The following BCAS3 variants were observed in gnomAD, a reference collection of about 807,000 sequenced individuals.
BCAS3 encodes the protein BCAS4/BCAS3 fusion.
A neutral mutation model predicts 116.1 loss-of-function variants in BCAS3; 53 were observed. The observed-to-expected ratio is 0.46, with a 90% CI of 0.37 to 0.57. BCAS3 has a LOEUF of 0.57. Among genes scored for constraint, BCAS3 ranks in the 20% least tolerant of loss-of-function variants. BCAS3 has a pLI of 0.00. For missense variants in BCAS3, 917 were observed against 1,165.4 expected (o/e 0.79, Z 3.10); for synonymous variants, 391 against 408.2 (o/e 0.96, Z 0.51).
rs1029294197 is a variant in BCAS3 at position 61,243,184 on chromosome 17, A to G, written c.2426-125143A>G. On this transcript the variant is annotated intron_variant, in intron 22 of 23. Transcript: ENST00000407086. The surrounding 1 kb of genome is among the most constrained non-coding windows in gnomAD (Gnocchi z 5.6). ...CACGGCCTCCCAAAGTGCTGGGATT[A>G]CAGGCATGAGCCACTGCGCCCTACT... Among the ~76,000 whole-genome samples, 38 of 152,228 alleles carry G rather than the reference A, an allele frequency of 2.5e-4. No homozygotes were observed. The highest frequency in any genetic ancestry group is 8.9e-4 in the African/African-American group (37 of 41,452).
At chr17:60,705,526 AAAAAG>A (rs1478427028) in intron 4 of BCAS3, among the ~76,000 whole-genome samples, 56 of 151,536 alleles carry the variant, frequency 3.7e-4, no homozygotes, top group Non-Finnish European at 7.4e-4. Flanking sequence ...AAAAAAAAAA[AAAAAG>A]AAAAGAAAAT....
rs1215464905 is a variant in BCAS3, at chr17:61,008,142, A to T, written c.1487-7609A>T. 6.6e-6 allele frequency among the ~76,000 whole-genome samples: 1 copy of T among 151,960 alleles called. No individual in the cohort carries two copies. The highest frequency in any genetic ancestry group is 2.4e-5 in the African/African-American group (1 of 41,374). The stretch of plus-strand genomic sequence containing the variant: ...AAGCATTGCTTCCGCCCAGTTTGGT[A>T]TGTGGGTCAGAAGGCACTGTTTCTC... On this transcript the variant is annotated intron_variant, in intron 15 of 23. Coordinates refer to ENST00000407086, the MANE Select transcript of BCAS3 (RefSeq NM_017679.5). The surrounding 1 kb of genome is among the most constrained non-coding windows in gnomAD (Gnocchi z 4.6).
Position 61,118,197 on chromosome 17 carries a change from G to A in BCAS3, c.2425+33633G>A, listed in dbSNP as rs189772165. Among the ~76,000 whole-genome samples, 549 of 152,256 alleles carry A rather than the reference G, an allele frequency of 3.6e-3. 1 individual carries two copies. The highest frequency in any genetic ancestry group is 5.8e-3 in the Admixed American group (89 of 15,300). The stretch of plus-strand genomic sequence containing the variant: ...AAGTAGGATGTTCTACCTCGTTTCT[G>A]CCAGGTGGAGGTAGAAGCCCAGGTT... On this transcript the variant is annotated intron_variant, in intron 22 of 23. Coordinates refer to ENST00000407086, the MANE Select transcript of BCAS3 (RefSeq NM_017679.5). The surrounding 1 kb of genome is among the most constrained non-coding windows in gnomAD (Gnocchi z 5.0).
chr17:60,961,173 A>T lies in BCAS3; in HGVS notation c.1221+13821A>T, dbSNP rs1281534160. On this transcript the variant is annotated intron_variant, in intron 14 of 23. Coordinates refer to ENST00000407086, the MANE Select transcript of BCAS3 (RefSeq NM_017679.5). The surrounding 1 kb of genome is among the most constrained non-coding windows in gnomAD (Gnocchi z 4.8). ...CACTCTGAATGGCAGTAAGGGAGAC[A>T]TTTGAGGTCAGGGAGAAATTTTGAA... is the stretch of plus-strand genomic sequence containing the variant. 6.6e-6 allele frequency among the ~76,000 whole-genome samples: 1 copy of T among 152,212 alleles called. No individual in the cohort carries two copies. The highest frequency in any genetic ancestry group is 1.5e-5 in the Non-Finnish European group (1 of 68,042).
chr17:61,167,861 G>A (rs190279414), intron 22 of BCAS3, among the ~76,000 whole-genome samples: 13 of 152,268 alleles, frequency 8.5e-5, no homozygotes, highest in Admixed American at 6.5e-5. Flanking sequence ...TTGATGATTC[G>A]TAGCTATTTT....
At position 60,721,995 on chromosome 17, in the gene BCAS3, T is replaced by C. The variant is rs73990956; in HGVS notation, c.321+12670T>C. ...TGCTCTTATGTTCTGGCTTGTCTCT[T>C]AACATTATGACTGTAAGATTTGTTT... On this transcript the variant is annotated intron_variant, in intron 5 of 23. Coordinates refer to ENST00000407086, the MANE Select transcript of BCAS3 (RefSeq NM_017679.5). Among the ~76,000 whole-genome samples, 108 of 152,310 alleles carry C rather than the reference T, an allele frequency of 7.1e-4. 1 individual carries two copies. Among genetic ancestry groups the C allele is most frequent in the African/African-American group, 2.5e-3 (104 of 41,576 alleles).
rs566559693 is a variant in BCAS3 at position 61,105,610 on chromosome 17, A to G, written c.2425+21046A>G. On this transcript the variant is annotated intron_variant, in intron 22 of 23. Coordinates refer to ENST00000407086, the MANE Select transcript of BCAS3 (RefSeq NM_017679.5). The surrounding 1 kb of genome is among the most constrained non-coding windows in gnomAD (Gnocchi z 4.3). Reference sequence around the variant, plus strand: ...CAGCTAATTTTGTATTTTTTTTAGTATAGATGGGGTTTCTCCATGTTGGTC... The same window carrying G: ...CAGCTAATTTTGTATTTTTTTTAGTGTAGATGGGGTTTCTCCATGTTGGTC... Among the ~76,000 whole-genome samples, 8 of 151,998 alleles carry G rather than the reference A, an allele frequency of 5.3e-5. No individual in the cohort carries two copies. The South Asian group carries it at 1.5e-3, about 28-fold the overall frequency.
chr17:61,097,827 G>A lies in BCAS3; in HGVS notation c.2425+13263G>A, dbSNP rs1283937877. ...CTTAAAATTACTTAAAGTGCATTATGGTGACACCTCAGATAAGTCTAAACC... is the reference window on the plus strand; with the variant it reads ...CTTAAAATTACTTAAAGTGCATTATAGTGACACCTCAGATAAGTCTAAACC... On this transcript the variant is annotated intron_variant, in intron 22 of 23. Transcript: ENST00000407086. This position sits in a 1 kb window ranked among gnomAD's most constrained non-coding sequence, Gnocchi z 4.0. 6.6e-6 allele frequency among the ~76,000 whole-genome samples: 1 copy of A among 152,148 alleles called. No homozygotes were observed. Among genetic ancestry groups the A allele is most frequent in the Non-Finnish European group, 1.5e-5 (1 of 68,028 alleles).
At chr17:61,000,270 T>C (rs1381738019) in intron 15 of BCAS3, among the ~76,000 whole-genome samples, 1 of 152,172 alleles carries the variant, frequency 6.6e-6, no homozygotes, top group Admixed American at 6.5e-5. Flanking sequence ...GCTATGAGTT[T>C]GTTGTAGATG....
chr17:61,313,885 C>T lies in BCAS3; in HGVS notation c.2426-54442C>T, dbSNP rs998323935. Among the ~76,000 whole-genome samples, 13 of 152,214 alleles carry T rather than the reference C, an allele frequency of 8.5e-5. No homozygotes were observed. Among genetic ancestry groups the T allele is most frequent in the Admixed American group, 8.5e-4 (13 of 15,280 alleles). On this transcript the variant is annotated intron_variant, in intron 22 of 23. Transcript: ENST00000407086. This position sits in a 1 kb window ranked among gnomAD's most constrained non-coding sequence, Gnocchi z 4.3. ...GTGACCACACGTGGGCCTGCTGTCT[C>T]CTCCACCAGCCCCACTCGCCCGGCC...
chr17:61,381,386 G>A lies in BCAS3; in HGVS notation c.2594-10591G>A, dbSNP rs1051456382. The stretch of plus-strand genomic sequence containing the variant: ...TCAGCCAGGCCGTTTCCATCTGGAC[G>A]GGCGGCGGCACCACCACAATTAGCT... On this transcript the variant is annotated intron_variant, in intron 23 of 23. Transcript: ENST00000407086. The surrounding 1 kb of genome is among the most constrained non-coding windows in gnomAD (Gnocchi z 6.0). Among the ~76,000 whole-genome samples the A allele has an allele frequency of 6.6e-6, 1 of 152,158 alleles. No individual in the cohort carries two copies. The highest frequency in any genetic ancestry group is 2.4e-5 in the African/African-American group (1 of 41,430).
At position 61,217,339 on chromosome 17, in the gene BCAS3, A is replaced by AT. The variant is rs1833169935; in HGVS notation, c.2425+132781dup. 1.3e-5 allele frequency among the ~76,000 whole-genome samples: 2 copies of AT among 152,294 alleles called. No individual in the cohort carries two copies. The highest frequency in any genetic ancestry group is 1.3e-4 in the Admixed American group (2 of 15,300). On this transcript the variant is annotated intron_variant, in intron 22 of 23. Transcript: ENST00000407086. The surrounding 1 kb of genome is among the most constrained non-coding windows in gnomAD (Gnocchi z 5.2). ...TAGCACTAGTTTTAAAGTATCCTCC[A>AT]TTTTTTGTGATAGTGAAAATCTAGG...
At chr17:61,209,287 T>C (rs2081324081) in intron 22 of BCAS3, among the ~76,000 whole-genome samples, 1 of 152,180 alleles carries the variant, frequency 6.6e-6, no homozygotes, top group Non-Finnish European at 1.5e-5. Context: ...TAAAAAGATT[T>C]GTAGGCAAAC....
intron 18 of BCAS3, among the ~76,000 whole-genome samples, chr17:61,039,498 C>T (rs1268975569): frequency 6.6e-6 from 1 of 152,002 alleles, no homozygotes; most frequent in Non-Finnish European, 1.5e-5. Context: ...TCTCGGCTCA[C>T]TGCAAGCTCC....
intron 22 of BCAS3, among the ~76,000 whole-genome samples, chr17:61,218,135 T>C (rs544335682): frequency 3.3e-5 from 5 of 152,174 alleles, no homozygotes; most frequent in Non-Finnish European, 7.3e-5. Context: ...CATGAGAGAT[T>C]AAATTGGGCA....
intron 4 of BCAS3, among the ~76,000 whole-genome samples, chr17:60,692,886 T>C (rs1232559748): frequency 6.7e-6 from 1 of 149,124 alleles, no homozygotes; most frequent in Non-Finnish European, 1.5e-5. Flanking sequence ...CAGAGAGATA[T>C]CCTTTCTCAA....
intron 10 of BCAS3, among the ~76,000 whole-genome samples, chr17:60,898,082 G>A (rs2057631093): frequency 6.6e-6 from 1 of 151,734 alleles, no homozygotes; most frequent in Non-Finnish European, 1.5e-5. Context: ...TGTCTCTTTG[G>A]TAAATTTCTC....
intron 22 of BCAS3, among the ~76,000 whole-genome samples, chr17:61,292,831 T>C (rs2052561050): frequency 6.6e-6 from 1 of 152,144 alleles, no homozygotes; most frequent in Non-Finnish European, 1.5e-5. Flanking sequence ...AGTAACGAAG[T>C]ATGTGAATTT....
chr17:60,888,597 T>C (rs1161575396), intron 9 of BCAS3, among the ~76,000 whole-genome samples: 1 of 152,200 alleles, frequency 6.6e-6, no homozygotes, highest in Non-Finnish European at 1.5e-5. Flanking sequence ...GTTGTCTTTT[T>C]ATAATTTTTA....
Sources: gnomAD v4.1 joint callset for allele counts (sites outside exome capture counted in the v4.1 genomes callset) on GRCh38, gnomAD v4.1.1 for gene constraint, Gnocchi (gnomAD v3.1) non-coding constraint, MANE v1.5 for transcripts, NCBI Gene and HGNC (gene_info 2026-07-23, HGNC 2026-07-21) for gene names.